TSC2: variants seen among roughly 807,000 people sequenced by gnomAD.
TSC2 encodes TSC complex subunit 2, also known as tuberin.
Under a neutral mutation model 202.2 loss-of-function variants are expected in TSC2, and 29 were observed. The ratio of observed to expected loss-of-function variants is 0.14; its 90% CI spans 0.11 to 0.20. The LOEUF is 0.20. Among genes scored for constraint, TSC2 ranks in the 10% least tolerant of loss-of-function variants. The pLI is 1.00. For missense variants in TSC2, 2,429 were observed against 2,420.0 expected (o/e 1.00, Z -0.08); for synonymous variants, 1,349 against 1,044.0 (o/e 1.29, Z -5.63).
At chr16:2,053,155 C>G (rs899164799) in intron 3 of TSC2, among the ~76,000 whole-genome samples, 187 bp from the exon 4 acceptor site, 7 of 152,184 alleles carry the variant, frequency 4.6e-5, no homozygotes, top group Admixed American at 3.9e-4. Flanking sequence ...CTGAGCCGTT[C>G]CCTGTACGAA....
chr16:2,086,668 A>T, intron 37 of TSC2, 64 bp from the exon 38 acceptor site: 1 of 1,598,524 alleles, frequency 6.3e-7, no homozygotes, highest in South Asian at 1.1e-5. Context: ...GAGGTGCCCC[A>T]GTGCAAGGCA....
At chr16:2,066,908 C>T (rs1284561482) in intron 16 of TSC2, among the ~76,000 whole-genome samples, 5 of 152,098 alleles carry the variant, frequency 3.3e-5, no homozygotes, top group East Asian at 1.9e-4. Flanking sequence ...GTGATCCTCC[C>T]GCCTTGGCCT....
intron 14 of TSC2, chr16:2,063,306 G>A (rs1280074862): frequency 1.7e-6 from 1 of 596,202 alleles, no homozygotes; most frequent in African/African-American, 1.9e-5. Context: ...GGGAGCTCCG[G>A]CCGGTTTTCA....
At chr16:2,057,042 C>CGGGACT (rs2151085928) in intron 8 of TSC2, 63 bp from the exon 9 acceptor site, 3 of 1,542,776 alleles carry the variant, frequency 1.9e-6, no homozygotes, top group East Asian at 2.4e-5. Context: ...GGGCCAGCAG[C>CGGGACT]GGGACTGGGG....
At position 2,084,514 on chromosome 16, in the gene TSC2, C is replaced by G. The variant is rs375785710; in HGVS notation, c.4292C>G (p.Ser1431Trp). 1 of 1,608,686 alleles carries G rather than the reference C, an allele frequency of 6.2e-7. No individual in the cohort carries two copies. ...GTLDGESAAW[S>W]ASGEDSRGQP... ...CTGGACGGGGAAAGTGCTGCCTGGT[C>G]GGCCTCGGGCGAAGACAGTCGGGGC... The change falls in exon 34 of 42, where the codon TCG becomes TGG. Residue 1431 changes from serine to tryptophan, a missense_variant. Physicochemically the swap from Ser to Trp is radical, Grantham distance 177. Coordinates refer to ENST00000219476, the MANE Select transcript of TSC2 (RefSeq NM_000548.5).
rs1180511535 is a variant in TSC2 at position 2,075,814 on chromosome 16, C to T, written c.2561C>T (p.Pro854Leu). 3.5e-5 allele frequency: 57 copies of T among 1,612,694 alleles called. No homozygotes were observed. Among genetic ancestry groups the T allele is most frequent in the Non-Finnish European group, 4.3e-5 (51 of 1,179,982 alleles). ...LEFLSTLARL[P>L]HLYRNFAAEQ... ...ATTACCGCAGCTCTGGCCAGGCTGC[C>T]GCACCTCTACAGGAACTTTGCCGCG... The change falls in exon 23 of 42, where the codon CCG becomes CTG. Residue 854 changes from proline (P) to leucine (L), a missense_variant. Coordinates refer to ENST00000219476, the MANE Select transcript of TSC2 (RefSeq NM_000548.5).
chr16:2,084,877 G>C (rs1006048197), intron 34 of TSC2, 74 bp from the exon 35 acceptor site: 1 of 1,606,150 alleles, frequency 6.2e-7, no homozygotes, highest in African/African-American at 1.3e-5. Flanking sequence ...GCCAGGCTCT[G>C]TGTTCCTCCC....
In TSC2 at chr16:2,076,640, G is replaced by C. The variant is rs578163955; in HGVS notation, c.2837+55G>C. On this transcript the variant is annotated intron_variant, in intron 25 of 41. Transcript: ENST00000219476. Reference sequence around the variant, plus strand: ...GGTGTGGGGTGGGGAAGGACATGGGGCTGTGGCCTGCCTGACGGTGCCTCC... The same window carrying C: ...GGTGTGGGGTGGGGAAGGACATGGGCCTGTGGCCTGCCTGACGGTGCCTCC... 48 of 1,577,098 alleles carry C rather than the reference G, an allele frequency of 3.0e-5. No individual in the cohort carries two copies. The Middle Eastern group carries it at 1.7e-3, about 56-fold the overall frequency.
In TSC2 at chr16:2,047,998, T is replaced by G; in HGVS notation, c.-97T>G. The G allele has an allele frequency of 1.3e-6, 2 of 1,507,766 alleles. No homozygotes were observed. The highest frequency in any genetic ancestry group is 8.8e-7 in the Non-Finnish European group (1 of 1,130,414). The allele number at this position is 1,507,766 out of a possible 1,614,324, so 93.4% of individuals were successfully genotyped here. On this transcript the variant is annotated 5_prime_UTR_variant, in exon 1 of 42. Transcript: ENST00000219476. The stretch of plus-strand genomic sequence containing the variant: ...AGTGCGGGTCGCGCTTCCGGCGGCG[T>G]CCCGGGGCCAGGGGGGTGCGCCTTT...
At position 2,058,739 on chromosome 16, in the gene TSC2, A is replaced by G. The variant is rs765336852; in HGVS notation, c.849-8A>G. The G allele has an allele frequency of 2.4e-5, 38 of 1,576,114 alleles. No individual in the cohort carries two copies. The East Asian group carries it at 5.3e-4, about 22-fold the overall frequency. ...CTCACATTCCGTCTCTCTGGGGAAC[A>G]CTTTTAGAGCCTACATGGAGGACGC... On this transcript the variant is annotated splice_region_variant and splice_polypyrimidine_tract_variant and intron_variant, in intron 9 of 41. Coordinates refer to ENST00000219476, the MANE Select transcript of TSC2 (RefSeq NM_000548.5).
intron 30 of TSC2, 105 bp downstream of exon 30, chr16:2,080,482 G>C (rs1332274996): frequency 7.3e-7 from 1 of 1,370,198 alleles, no homozygotes; most frequent in African/African-American, 1.5e-5. Flanking sequence ...ATATTTGGGG[G>C]TAACTTTTGT....
In TSC2 at chr16:2,080,711, C is replaced by T. The variant is rs575996096; in HGVS notation, c.3610+334C>T. ...GTGTTAGCCAGGATGGTCTCAATCT[C>T]CTGACCTCGTGATCCGCCCGCCTTG... On this transcript the variant is annotated intron_variant, in intron 30 of 41. Coordinates refer to ENST00000219476, the MANE Select transcript of TSC2 (RefSeq NM_000548.5). The T allele has an allele frequency of 1.3e-3, 397 of 313,474 alleles. 4 individuals carry two copies. Among genetic ancestry groups the T allele is most frequent in the Middle Eastern group, 7.7e-3 (7 of 914 alleles). The allele number at this position is 313,474 out of a possible 1,614,324, so 19.4% of individuals were successfully genotyped here. A position where few individuals can be genotyped will look rare whatever the true frequency, so the allele number is the denominator to read the frequency against.
chr16:2,072,078 A>G (rs912002075), intron 19 of TSC2, 144 bp downstream of exon 19: 31 of 1,488,800 alleles, frequency 2.1e-5, no homozygotes, highest in Middle Eastern at 2.4e-4. Flanking sequence ...TTCCCCGAGC[A>G]GCTGCAGGGA....
In TSC2 at chr16:2,088,255, C is replaced by G. The variant is rs2091134565; in HGVS notation, c.5189C>G (p.Ser1730Cys). 1 of 1,608,290 alleles carries G rather than the reference C, an allele frequency of 6.2e-7. No homozygotes were observed. Among genetic ancestry groups the G allele is most frequent in the Non-Finnish European group, 8.5e-7 (1 of 1,178,462 alleles). The part of the protein sequence containing the change: ...NMASQVHHSR[S>C]NPTDIYPSKW... ...GCCTCACAGGTGCATCATAGCCGCT[C>G]CAACCCCACCGATATCTACCCCTCC... The change falls in exon 41 of 42, where the codon TCC (serine) becomes TGC (cysteine). Residue 1730 changes from serine (S) to cysteine (C), a missense_variant. Transcript: ENST00000219476.
In TSC2 at chr16:2,070,581, A is replaced by G. The variant is rs1596336981; in HGVS notation, c.1839+3A>G. The G allele has an allele frequency of 5.0e-6, 8 of 1,613,022 alleles. No homozygotes were observed. Among genetic ancestry groups the G allele is most frequent in the Non-Finnish European group, 6.8e-6 (8 of 1,180,012 alleles). On this transcript the variant is annotated splice_donor_region_variant and intron_variant, in intron 17 of 41. Transcript: ENST00000219476. ...TCGCGAGCAGCATCCGGCTGCAGGT[A>G]TGGTGGCTGGGGTTGCGCAGCCAGT...
At position 2,080,528 on chromosome 16, in the gene TSC2, C is replaced by T. The variant is rs575415192; in HGVS notation, c.3610+151C>T. On this transcript the variant is annotated intron_variant, in intron 30 of 41. Coordinates refer to ENST00000219476, the MANE Select transcript of TSC2 (RefSeq NM_000548.5). ...AGACAGAGTCTTGCTCTGTGGCCCA[C>T]GCTGGAACGCAGTGGCGCAATCTCG... 2.2e-4 allele frequency: 195 copies of T among 885,968 alleles called. 1 individual carries two copies. The highest frequency in any genetic ancestry group is 1.3e-3 in the South Asian group (76 of 56,660). The allele number at this position is 885,968 out of a possible 1,614,324, so 54.9% of individuals were successfully genotyped here.
chr16:2,074,313 G>A lies in TSC2; in HGVS notation c.2469G>A (p.Leu823=), dbSNP rs2151352856. ...TGCCTGACATCATCATCAAGGCGCTGCCTGTTCTGGTGGTGAAGCTCACGC... is the reference window on the plus strand; with the variant it reads ...TGCCTGACATCATCATCAAGGCGCTACCTGTTCTGGTGGTGAAGCTCACGC... ...VEMPDIIIKA[L]PVLVVKLTHI... The change falls in exon 22 of 42, where the codon CTG becomes CTA. Residue 823 remains leucine, a synonymous_variant. Transcript: ENST00000219476. 2 of 1,613,076 alleles carry A rather than the reference G, an allele frequency of 1.2e-6. No homozygotes were observed. The highest frequency in any genetic ancestry group is 1.7e-6 in the Non-Finnish European group (2 of 1,180,038).
At chr16:2,068,352 T>C (rs2087696184) in intron 16 of TSC2, among the ~76,000 whole-genome samples, 1 of 152,156 alleles carries the variant, frequency 6.6e-6, no homozygotes, top group South Asian at 2.1e-4. Flanking sequence ...TTTTCATTTC[T>C]TTTGTTATAA....
chr16:2,075,514 C>G (rs1231562152), intron 22 of TSC2, among the ~76,000 whole-genome samples: 9 of 120,192 alleles, frequency 7.5e-5, no homozygotes, highest in Admixed American at 7.0e-4. Flanking sequence ...GCGACAGAGC[C>G]AGACTCATCT....
Sources: allele counts gnomAD v4.1 joint callset (sites outside exome capture counted in the v4.1 genomes callset), GRCh38; gene constraint gnomAD v4.1.1; transcripts MANE v1.5; gene names NCBI Gene and HGNC (gene_info 2026-07-23, HGNC 2026-07-21).